SYBU: variants seen among roughly 807,000 people sequenced by gnomAD.
SYBU encodes the protein syntabulin, also known as GOLSYN A protein.
In SYBU, 21 loss-of-function variants were observed where a neutral mutation model predicts 35.9. The ratio of observed to expected loss-of-function variants is 0.58; its 90% CI spans 0.41 to 0.84. The LOEUF is 0.84. SYBU is among the 40% of genes least tolerant of loss of function. The pLI is 0.00. For missense variants in SYBU, 768 were observed against 848.2 expected (o/e 0.91, Z 1.17); for synonymous variants, 319 against 324.3 (o/e 0.98, Z 0.18).
At chr8:109,619,230 C>T (rs1812163950) in intron 2 of SYBU, among the ~76,000 whole-genome samples, 191 bp from the exon 3 acceptor site, 1 of 145,124 alleles carries the variant, frequency 6.9e-6, no homozygotes, top group South Asian at 2.2e-4. Context: ...AATGCAAAAC[C>T]TTTTTTTTTT....
At chr8:109,649,274 T>A (rs1563764633), upstream of SYBU, among the ~76,000 whole-genome samples, 1 of 151,952 alleles carries the variant, frequency 6.6e-6, no homozygotes, top group Non-Finnish European at 1.5e-5. Flanking sequence ...AGTGCCAGGG[T>A]TACAGGCATT....
intron 2 of SYBU, among the ~76,000 whole-genome samples, chr8:109,621,108 C>A (rs952096170): frequency 3.3e-5 from 5 of 152,178 alleles, no homozygotes; most frequent in African/African-American, 1.2e-4. Context: ...GAGTGTCTAA[C>A]CTAAAAAACT....
At chr8:109,661,736 G>C (rs1011639073) in intron 1 of SYBU, among the ~76,000 whole-genome samples, 1 of 152,132 alleles carries the variant, frequency 6.6e-6, no homozygotes, top group East Asian at 1.9e-4. Flanking sequence ...AATATTAAGG[G>C]TGTGCACTCA....
At chr8:109,679,060 A>C (rs1817307629) in intron 1 of SYBU, among the ~76,000 whole-genome samples, 2 of 152,194 alleles carry the variant, frequency 1.3e-5, no homozygotes, top group Admixed American at 6.5e-5. Flanking sequence ...AAACCCACCA[A>C]AACCAAGATG....
chr8:109,596,974 T>C (rs1011260509), intron 3 of SYBU, among the ~76,000 whole-genome samples: 1 of 152,218 alleles, frequency 6.6e-6, no homozygotes, highest in Non-Finnish European at 1.5e-5. Context: ...TAAAAGTAGT[T>C]ATGAAGAGTA....
At chr8:109,596,718 T>C (rs1308370896) in intron 3 of SYBU, among the ~76,000 whole-genome samples, 4 of 152,222 alleles carry the variant, frequency 2.6e-5, no homozygotes, top group African/African-American at 9.6e-5. Context: ...GTGTGATTTT[T>C]ATCCATAATT....
upstream of SYBU, chr8:109,647,071 G>GTGAAAA (rs1563762829): frequency 1.3e-5 from 2 of 152,108 alleles, no homozygotes; most frequent in African/African-American, 4.8e-5. Context: ...ATGCTTCTCC[G>GTGAAAA]TGAAAACTCA....
intron 3 of SYBU, among the ~76,000 whole-genome samples, chr8:109,592,767 C>T (rs955229256): frequency 6.6e-6 from 1 of 152,202 alleles, no homozygotes; most frequent in Non-Finnish European, 1.5e-5. Flanking sequence ...AGTTGTGTAT[C>T]TTGACCAAGT....
At chr8:109,599,476 C>T (rs1825262439) in intron 3 of SYBU, among the ~76,000 whole-genome samples, 1 of 152,202 alleles carries the variant, frequency 6.6e-6, no homozygotes, top group South Asian at 2.1e-4. Flanking sequence ...AAGTCAGCCT[C>T]ATAATCCATT....
chr8:109,669,270 A>C (rs563676645), intron 1 of SYBU, among the ~76,000 whole-genome samples: 1 of 136,056 alleles, frequency 7.3e-6, no homozygotes, highest in Non-Finnish European at 1.5e-5. Flanking sequence ...TGAGCCCAGG[A>C]GGCGGAGCTT....
chr8:109,655,766 G>T (rs551782094), intron 1 of SYBU, among the ~76,000 whole-genome samples: 2 of 152,040 alleles, frequency 1.3e-5, no homozygotes, highest in East Asian at 3.9e-4. Context: ...ATATAGTTGC[G>T]TTGCTGTATT....
At chr8:109,622,732 C>T (rs1015958203) in intron 2 of SYBU, among the ~76,000 whole-genome samples, 4 of 151,942 alleles carry the variant, frequency 2.6e-5, no homozygotes, top group Non-Finnish European at 5.9e-5. Context: ...CCTGTACAAT[C>T]TATAGATTTA....
intron 4 of SYBU, chr8:109,585,822 A>G (rs1237338724): frequency 3.8e-6 from 2 of 526,390 alleles, no homozygotes; most frequent in Non-Finnish European, 6.8e-6. Flanking sequence ...GTGGGCATAG[A>G]GTCAAGGGTT....
chr8:109,624,059 A>C (rs1446936935), intron 2 of SYBU, among the ~76,000 whole-genome samples: 3 of 152,204 alleles, frequency 2.0e-5, no homozygotes, highest in Non-Finnish European at 2.9e-5. Context: ...AAGCTATTAA[A>C]GACTAATGGG....
Position 109,618,876 on chromosome 8 carries a change from A to G in SYBU, c.393T>C (p.Tyr131=), listed in dbSNP as rs968306521. 3.1e-6 allele frequency: 5 copies of G among 1,614,020 alleles called. No individual in the cohort carries two copies. Among genetic ancestry groups the G allele is most frequent in the Admixed American group, 3.3e-5 (2 of 60,010 alleles). Residue 131 remains tyrosine (Y), a synonymous_variant, in exon 3 of 7, where the codon TAT becomes TAC. Transcript: ENST00000276646. The part of the protein sequence containing the change: ...VGEGSIQSSR[Y]KKESKSGLVK... ...CAAGGCCTGACTTTGATTCCTTCTT[A>G]TATCGAGAGGACTGAATGCTTCCTT... is the stretch of plus-strand genomic sequence containing the variant.
chr8:109,658,677 G>T (rs1026612509), intron 1 of SYBU, among the ~76,000 whole-genome samples: 1 of 74,678 alleles, frequency 1.3e-5, no homozygotes, highest in Non-Finnish European at 2.4e-5. Context: ...ATTCATGGCC[G>T]GCATGGTGGC....
At chr8:109,645,773 C>CGAATTACAT, upstream of SYBU, 1 of 174,012 alleles carries the variant, frequency 5.7e-6, no homozygotes, top group African/African-American at 2.4e-5. Context: ...TCAAAGTGCT[C>CGAATTACAT]GAATTACATG....
At chr8:109,674,873 T>A (rs3108833) in intron 1 of SYBU, among the ~76,000 whole-genome samples, 151,488 of 152,328 alleles carry the variant, frequency 0.99, 75,328 homozygotes, top group Middle Eastern at 1. Context: ...CTTATTCTAA[T>A]ATAGACCATG....
At chr8:109,666,605 G>A (rs532043539) in intron 1 of SYBU, among the ~76,000 whole-genome samples, 2 of 152,262 alleles carry the variant, frequency 1.3e-5, no homozygotes, top group South Asian at 4.1e-4. Context: ...GCCAGGCATG[G>A]TGATGCATGC....
Sources: gnomAD v4.1 joint callset for allele counts (sites outside exome capture counted in the v4.1 genomes callset) on GRCh38, gnomAD v4.1.1 for gene constraint, MANE v1.5 for transcripts, NCBI Gene and HGNC (gene_info 2026-07-23, HGNC 2026-07-21) for gene names.